The following FBXL20 variants were observed in gnomAD, a reference collection of about 807,000 sequenced individuals.
FBXL20 encodes the protein F-box and leucine rich repeat protein 20, also known as F-box/LRR-repeat protein 20.
In FBXL20, 11 loss-of-function variants were observed where a neutral mutation model predicts 64.0. That is an observed-to-expected ratio of 0.17 (90% CI 0.11 to 0.28). The LOEUF (loss-of-function observed/expected upper bound fraction) is 0.28. FBXL20 is among the 10% of genes least tolerant of loss of function. The pLI is 1.00. For missense variants in FBXL20, 303 were observed against 526.2 expected (o/e 0.58, Z 4.15); for synonymous variants, 184 against 189.0 (o/e 0.97, Z 0.22).
intron 1 of FBXL20, among the ~76,000 whole-genome samples, chr17:39,400,869 A>G (rs981598846): frequency 2.0e-5 from 3 of 152,366 alleles, no homozygotes; most frequent in Non-Finnish European, 2.9e-5. Flanking sequence ...AACCCGTGGT[A>G]GCCTCTATCA....
intron 1 of FBXL20, among the ~76,000 whole-genome samples, chr17:39,362,115 G>A (rs1040572461): frequency 2.0e-5 from 3 of 150,988 alleles, no homozygotes; most frequent in Non-Finnish European, 4.4e-5. Flanking sequence ...GTGAAACCTC[G>A]TCTCTACTAA....
intron 1 of FBXL20, among the ~76,000 whole-genome samples, chr17:39,383,551 T>C (rs1381937306): frequency 4.0e-5 from 6 of 151,564 alleles, no homozygotes; most frequent in Non-Finnish European, 5.9e-5. Flanking sequence ...ATCAGTGTTA[T>C]AGGTAGTGTC....
chr17:39,294,067 T>C (rs1347266385), intron 6 of FBXL20, among the ~76,000 whole-genome samples: 1 of 152,150 alleles, frequency 6.6e-6, no homozygotes, highest in Non-Finnish European at 1.5e-5. Context: ...ACTGGTCTTC[T>C]AGGTTTTGTT....
chr17:39,390,494 G>A (rs2048123751), intron 1 of FBXL20, among the ~76,000 whole-genome samples: 2 of 151,926 alleles, frequency 1.3e-5, no homozygotes, highest in Admixed American at 1.3e-4. Flanking sequence ...CTGGGAGGCA[G>A]AGGTTGCAGT....
chr17:39,401,985 T>G (rs572536192), upstream of FBXL20: 72 of 484,904 alleles, frequency 1.5e-4, no homozygotes, highest in South Asian at 3.4e-4. Flanking sequence ...AGTACCGCAC[T>G]CTGCGCGGGG....
intron 10 of FBXL20, among the ~76,000 whole-genome samples, chr17:39,273,916 C>T (rs1238093145): frequency 6.6e-6 from 1 of 151,994 alleles, no homozygotes; most frequent in Non-Finnish European, 1.5e-5. Flanking sequence ...CTCTGTTGCC[C>T]AGGCTAGAGT....
chr17:39,264,586 G>A (rs1232601590), intron 13 of FBXL20, among the ~76,000 whole-genome samples, 199 bp from the exon 14 acceptor site: 1 of 152,184 alleles, frequency 6.6e-6, no homozygotes, highest in African/African-American at 2.4e-5. Flanking sequence ...ATATTTTGGT[G>A]TGTGATTCTA....
intron 3 of FBXL20, among the ~76,000 whole-genome samples, chr17:39,302,042 G>A (rs1013295449): frequency 4.7e-5 from 7 of 150,526 alleles, no homozygotes; most frequent in African/African-American, 1.7e-4. Context: ...TGAGACAAAA[G>A]TTCAGTTTAT....
At chr17:39,379,523 C>T (rs2048002702) in intron 1 of FBXL20, among the ~76,000 whole-genome samples, 1 of 149,656 alleles carries the variant, frequency 6.7e-6, no homozygotes, top group Non-Finnish European at 1.5e-5. Context: ...TGGCTTACCC[C>T]TATAATCCCA....
intron 2 of FBXL20, among the ~76,000 whole-genome samples, chr17:39,313,497 T>G (rs1195077558): frequency 6.6e-6 from 1 of 152,184 alleles, no homozygotes; most frequent in Non-Finnish European, 1.5e-5. Flanking sequence ...CCTCCCAAAG[T>G]GCTGGGATTA....
chr17:39,363,820 A>AC (rs1555612713), intron 1 of FBXL20, among the ~76,000 whole-genome samples: 79 of 104,030 alleles, frequency 7.6e-4, no homozygotes, highest in East Asian at 3.2e-3. Flanking sequence ...CAAAAAAAAA[A>AC]AAAAAACAAA....
chr17:39,389,772 C>T (rs1273897347), intron 1 of FBXL20, among the ~76,000 whole-genome samples: 2 of 152,062 alleles, frequency 1.3e-5, no homozygotes, highest in Non-Finnish European at 1.5e-5. Context: ...GAGCCAAGAT[C>T]GCACCACTGA....
At chr17:39,327,420 G>A (rs1421745511) in intron 2 of FBXL20, among the ~76,000 whole-genome samples, 2 of 151,930 alleles carry the variant, frequency 1.3e-5, no homozygotes, top group Non-Finnish European at 2.9e-5. Flanking sequence ...CTTCCTTGGA[G>A]AAAGAAAAAA....
chr17:39,303,058 C>T (rs1038909357), intron 3 of FBXL20, among the ~76,000 whole-genome samples: 2 of 151,880 alleles, frequency 1.3e-5, no homozygotes, highest in Non-Finnish European at 2.9e-5. Context: ...ACTTATCCAT[C>T]GAGACTATCT....
intron 2 of FBXL20, among the ~76,000 whole-genome samples, chr17:39,334,873 A>AG (rs2047505180): frequency 6.6e-6 from 1 of 152,154 alleles, no homozygotes; most frequent in Admixed American, 6.5e-5. Context: ...GTGGATCCTG[A>AG]GGTCACAAGA....
chr17:39,280,866 TG>T (rs1156377326), intron 9 of FBXL20, among the ~76,000 whole-genome samples: 1 of 152,144 alleles, frequency 6.6e-6, no homozygotes, highest in Non-Finnish European at 1.5e-5. Context: ...CAAGCTCAAC[TG>T]ATCTTCCCAC....
In FBXL20 at chr17:39,362,569, T is replaced by C. The variant is rs112706625; in HGVS notation, c.43-19328A>G. On this transcript the variant is annotated intron_variant, in intron 1 of 14. Transcript: ENST00000264658. ...AACTCCCGACCTCAGGTGATCCACC[T>C]GCCTCGGCCTCCCAAAGTGCTGGGA... Among the ~76,000 whole-genome samples, 201 of 151,776 alleles carry C rather than the reference T, an allele frequency of 1.3e-3. 2 individuals are homozygous for C. The highest frequency in any genetic ancestry group is 2.1e-3 in the Non-Finnish European group (145 of 67,918).
At chr17:39,332,742 C>T (rs1332012660) in intron 2 of FBXL20, among the ~76,000 whole-genome samples, 2 of 151,616 alleles carry the variant, frequency 1.3e-5, no homozygotes, top group Non-Finnish European at 2.9e-5. Context: ...GGGGTTTCAC[C>T]GTGTTAGCCA....
intron 10 of FBXL20, among the ~76,000 whole-genome samples, chr17:39,271,520 C>A (rs1465317077): frequency 6.8e-6 from 1 of 146,692 alleles, no homozygotes; most frequent in Non-Finnish European, 1.5e-5. Flanking sequence ...ATCGCTTGAA[C>A]CCGGGAGGCG....
Sources: gnomAD v4.1 joint callset for allele counts (sites outside exome capture counted in the v4.1 genomes callset) on GRCh38, gnomAD v4.1.1 for gene constraint, MANE v1.5 for transcripts, NCBI Gene and HGNC (gene_info 2026-07-23, HGNC 2026-07-21) for gene names.